The following AFTPH variants were observed in gnomAD, a reference collection of about 807,000 sequenced individuals.
AFTPH encodes aftiphilin.
Under a neutral mutation model 72.5 loss-of-function variants are expected in AFTPH, and 7 were observed. The observed-to-expected ratio is 0.10, with a 90% confidence interval of 0.05 to 0.18. AFTPH has a LOEUF of 0.18. Ranked by LOEUF, AFTPH falls within the 10% of genes least tolerant of loss-of-function variation. The pLI is 1.00. For missense variants in AFTPH, 979 were observed against 1,060.5 expected, an observed-to-expected ratio of 0.92 and a Z score of 1.07; for synonymous variants, 337 against 370.1, an observed-to-expected ratio of 0.91 and a Z score of 1.03.
At chr2:64,551,301 T>G in intron 1 of AFTPH, 142 bp from the exon 2 acceptor site, 2 of 632,366 alleles carry the variant, frequency 3.2e-6, no homozygotes, top group South Asian at 4.9e-5. Flanking sequence ...CAAAACATCA[T>G]GCAGGACATG....
chr2:64,579,743 A>G (rs1673054030), intron 7 of AFTPH, 197 bp downstream of exon 7: 1 of 448,572 alleles, frequency 2.2e-6, no homozygotes, highest in East Asian at 3.3e-5. Flanking sequence ...TAATGTCCAA[A>G]TATAGGTAAT....
chr2:64,546,736 C>T (rs1286396879), intron 1 of AFTPH, among the ~76,000 whole-genome samples: 1 of 152,078 alleles, frequency 6.6e-6, no homozygotes, highest in African/African-American at 2.4e-5. Context: ...TGCATGACTA[C>T]AGTACTACCA....
intron 7 of AFTPH, among the ~76,000 whole-genome samples, chr2:64,584,996 G>A (rs911790575): frequency 1.3e-5 from 2 of 152,294 alleles, no homozygotes; most frequent in Non-Finnish European, 2.9e-5. Context: ...AAAAAATAAG[G>A]AGGTGAGGAA....
chr2:64,590,435 T>C (rs1473747789), intron 8 of AFTPH, among the ~76,000 whole-genome samples: 1 of 152,196 alleles, frequency 6.6e-6, no homozygotes, highest in Non-Finnish European at 1.5e-5. Flanking sequence ...ATACATCTGG[T>C]TGACTCCATT....
At chr2:64,541,133 CAT>C (rs61002755) in intron 1 of AFTPH, among the ~76,000 whole-genome samples, 5,342 of 152,170 alleles carry the variant, frequency 0.035, 339 homozygotes, top group African/African-American at 0.12. Context: ...ATTTCCACCT[CAT>C]ATGATAGTAT....
At position 64,585,414 on chromosome 2, in the gene AFTPH, AC is replaced by A. The variant is rs766701106; in HGVS notation, c.2456-7del. 1 of 1,613,216 alleles carries A rather than the reference AC, an allele frequency of 6.2e-7. No homozygotes were observed. The highest frequency in any genetic ancestry group is 2.2e-5 in the East Asian group (1 of 44,862). ...CTGCCATCACTGACTATCATTTTAT[AC>A]TATAAGGTGTGGATCCGGAGTTGTA... On this transcript the variant is annotated splice_polypyrimidine_tract_variant and splice_region_variant and intron_variant, in intron 7 of 8. Transcript: ENST00000238856.
At chr2:64,572,816 A>C (rs1336824469) in intron 5 of AFTPH, 130 bp from the exon 6 acceptor site, 1 of 1,232,082 alleles carries the variant, frequency 8.1e-7, no homozygotes, top group African/African-American at 1.5e-5. Flanking sequence ...AAAAAAAAAA[A>C]GACTAGTTCC....
chr2:64,585,664 G>A, intron 8 of AFTPH, 119 bp downstream of exon 9: 1 of 1,101,308 alleles, frequency 9.1e-7, no homozygotes, highest in Non-Finnish European at 1.3e-6. Flanking sequence ...CTTTATAAAA[G>A]TCAGTCGATG....
At chr2:64,566,166 G>A (rs1672079602) in intron 2 of AFTPH, among the ~76,000 whole-genome samples, 1 of 152,168 alleles carries the variant, frequency 6.6e-6, no homozygotes, top group Non-Finnish European at 1.5e-5. Flanking sequence ...TCTCTCTGTT[G>A]AGGCAAGTGA....
exon 2 of AFTPH, chr2:64,552,178 C>T (rs1671086682): frequency 3.1e-6 from 5 of 1,613,744 alleles, no homozygotes; most frequent in Non-Finnish European, 3.4e-6. Context: ...GCAGATTTTG[C>T]CACATTTTCC....
At chr2:64,556,124 A>C (rs1367789111) in intron 2 of AFTPH, among the ~76,000 whole-genome samples, 1 of 151,836 alleles carries the variant, frequency 6.6e-6, no homozygotes, top group Non-Finnish European at 1.5e-5. Flanking sequence ...AGTAGCTGGG[A>C]CTACAGGCCC....
chr2:64,530,044 T>A (rs964844691), intron 1 of AFTPH, among the ~76,000 whole-genome samples: 3 of 152,026 alleles, frequency 2.0e-5, no homozygotes, highest in African/African-American at 7.2e-5. Flanking sequence ...TAATCCTGGC[T>A]ACTGAGGAGA....
chr2:64,569,831 C>T, intron 5 of AFTPH, 152 bp downstream of exon 5: 2 of 610,476 alleles, frequency 3.3e-6, no homozygotes, highest in Non-Finnish European at 2.7e-6. Flanking sequence ...CTCATAAATC[C>T]CATCAAATAT....
At chr2:64,536,016 G>A (rs185809338) in intron 1 of AFTPH, among the ~76,000 whole-genome samples, 7 of 152,262 alleles carry the variant, frequency 4.6e-5, no homozygotes, top group Admixed American at 3.3e-4. Context: ...GAGGGGGAGC[G>A]GTTGGGGTAA....
At chr2:64,562,521 A>G (rs1403884700) in intron 2 of AFTPH, among the ~76,000 whole-genome samples, 1 of 152,146 alleles carries the variant, frequency 6.6e-6, no homozygotes, top group Non-Finnish European at 1.5e-5. Context: ...CACTGAAACT[A>G]TACTTCCTGG....
At chr2:64,584,727 G>A (rs1295319541) in intron 7 of AFTPH, among the ~76,000 whole-genome samples, 1 of 151,240 alleles carries the variant, frequency 6.6e-6, no homozygotes, top group African/African-American at 2.4e-5. Context: ...CTCCTGAGTA[G>A]CTGGGACTAC....
At chr2:64,527,738 T>TA (rs1337585883) in intron 1 of AFTPH, among the ~76,000 whole-genome samples, 16 of 152,192 alleles carry the variant, frequency 1.1e-4, no homozygotes, top group Admixed American at 8.5e-4. Flanking sequence ...GCTTCTAAGT[T>TA]AAAAAAATGT....
chr2:64,553,966 T>C (rs1178624963), intron 2 of AFTPH, among the ~76,000 whole-genome samples: 1 of 152,112 alleles, frequency 6.6e-6, no homozygotes, highest in Non-Finnish European at 1.5e-5. Flanking sequence ...GAAAAACAAC[T>C]AGAAAAAAGC....
At chr2:64,564,662 T>G (rs1006466124) in intron 2 of AFTPH, among the ~76,000 whole-genome samples, 2 of 151,760 alleles carry the variant, frequency 1.3e-5, no homozygotes, top group Non-Finnish European at 2.9e-5. Flanking sequence ...GAAACTGGAG[T>G]CTTGGCCCCT....
Sources: gnomAD v4.1 joint callset for allele counts (sites outside exome capture counted in the v4.1 genomes callset) on GRCh38, gnomAD v4.1.1 for gene constraint, MANE v1.5 for transcripts, NCBI Gene and HGNC (gene_info 2026-07-23, HGNC 2026-07-21) for gene names.